TVP23A: variants seen among roughly 807,000 people sequenced by gnomAD.
TVP23A encodes Golgi apparatus membrane protein TVP23 homolog A.
Under a neutral mutation model 31.7 loss-of-function variants are expected in TVP23A, and 21 were observed. That is an observed-to-expected ratio of 0.66 (90% CI 0.47 to 0.95). TVP23A has a LOEUF of 0.95. Among genes scored for constraint, TVP23A ranks in the 40% least tolerant of loss-of-function variants. The pLI is 0.00. For missense variants in TVP23A, 279 were observed against 255.6 expected (o/e 1.09, Z -0.62); for synonymous variants, 104 against 96.0 (o/e 1.08, Z -0.49).
Position 10,774,997 on chromosome 16 carries a change from A to G in TVP23A, c.189T>C (p.Phe63=), listed in dbSNP as rs1353147120. The part of the protein sequence containing the change: ...DWFSKSFVGC[F]VMVLLLLSLD... ...GGGACAGGAGGAGCAGCACCATGAC[A>G]AAACAGCCCACAAAGCTCTTGCTGA... Residue 63 remains phenylalanine (F), a synonymous_variant, in exon 3 of 8, where the codon TTT becomes TTC. Transcript: ENST00000299866. 1 of 1,612,930 alleles carries G rather than the reference A, an allele frequency of 6.2e-7. No individual in the cohort carries two copies. The highest frequency in any genetic ancestry group is 8.5e-7 in the Non-Finnish European group (1 of 1,179,470).
Position 10,779,754 on chromosome 16 carries a change from C to T in TVP23A, c.90-4658G>A, listed in dbSNP as rs555761403. 5.3e-5 allele frequency among the ~76,000 whole-genome samples: 8 copies of T among 152,318 alleles called. No individual in the cohort carries two copies. In the South Asian group the frequency reaches 1.7e-3, roughly 32 times the overall value. On this transcript the variant is annotated intron_variant, in intron 2 of 7. Coordinates refer to ENST00000299866, the MANE Select transcript of TVP23A (RefSeq NM_001079512.4). This position sits in a 1 kb window ranked among gnomAD's most constrained non-coding sequence, Gnocchi z 4.9. ...ACCAAGTTTTCCAGAGCTTATATAC[C>T]TTCTGAGCTATATGTCATGGATAAG...
At chr16:10,763,292 G>A (rs911125105), downstream of TVP23A, among the ~76,000 whole-genome samples, 26 of 152,178 alleles carry the variant, frequency 1.7e-4, no homozygotes, top group Admixed American at 3.3e-4. Flanking sequence ...CCAAGGGGCC[G>A]TGCAGAAAGC....
At chr16:10,782,150 C>T (rs937602215) in intron 2 of TVP23A, among the ~76,000 whole-genome samples, 11 of 152,066 alleles carry the variant, frequency 7.2e-5, no homozygotes, top group Non-Finnish European at 1.6e-4. Flanking sequence ...GTGTGAGCTA[C>T]CGTACCTGGC....
chr16:10,778,171 T>TA (rs985095168), intron 2 of TVP23A, among the ~76,000 whole-genome samples: 8 of 151,784 alleles, frequency 5.3e-5, no homozygotes, highest in Non-Finnish European at 1.2e-4. Flanking sequence ...CCGTCTCTAC[T>TA]AAAAATACAA....
At chr16:10,799,062 G>C (rs2033561047) in intron 2 of TVP23A, among the ~76,000 whole-genome samples, 1 of 152,166 alleles carries the variant, frequency 6.6e-6, no homozygotes, top group South Asian at 2.1e-4. Context: ...ACATGGCAAG[G>C]AACTGAGGCC....
At chr16:10,776,047 C>A (rs1170525992) in intron 2 of TVP23A, among the ~76,000 whole-genome samples, 2 of 148,330 alleles carry the variant, frequency 1.3e-5, no homozygotes. Flanking sequence ...CCACGCCTGG[C>A]CTTATTTTTT....
At chr16:10,760,063 T>C (rs1900836252), downstream of TVP23A, among the ~76,000 whole-genome samples, 3 of 152,248 alleles carry the variant, frequency 2.0e-5, no homozygotes, top group Admixed American at 2.0e-4. Flanking sequence ...TTATACACAG[T>C]AATCACATTG....
chr16:10,761,634 G>C (rs2029910963), intron 8 of TVP23A: 1 of 950,446 alleles, frequency 1.1e-6, no homozygotes, highest in South Asian at 1.7e-5. Context: ...AAGTTCTTTA[G>C]GTGTTAAGGG....
intron 2 of TVP23A, among the ~76,000 whole-genome samples, chr16:10,790,427 G>C (rs1338955139): frequency 6.6e-6 from 1 of 151,922 alleles, no homozygotes; most frequent in Non-Finnish European, 1.5e-5. Context: ...TGGGACTACA[G>C]GCGCCCGCCA....
intron 2 of TVP23A, among the ~76,000 whole-genome samples, chr16:10,812,780 T>A (rs1458200838): frequency 1.3e-5 from 2 of 152,140 alleles, no homozygotes; most frequent in African/African-American, 4.8e-5. Context: ...AGTTTCAGTT[T>A]TGCAAGATGA....
intron 2 of TVP23A, among the ~76,000 whole-genome samples, chr16:10,807,969 T>A (rs1052185110): frequency 2.0e-5 from 3 of 152,134 alleles, no homozygotes; most frequent in African/African-American, 7.2e-5. Flanking sequence ...CACCTCAGCC[T>A]CCCTAGTAAC....
downstream of TVP23A, among the ~76,000 whole-genome samples, chr16:10,764,671 C>A (rs2030586278): frequency 6.6e-6 from 1 of 151,262 alleles, no homozygotes; most frequent in African/African-American, 2.4e-5. Context: ...ATTGGAGCAT[C>A]TCAGTCTGCT....
At chr16:10,761,855 C>G, downstream of TVP23A, 1 of 1,613,054 alleles carries the variant, frequency 6.2e-7, no homozygotes, top group Non-Finnish European at 8.5e-7. Flanking sequence ...TGGATCCGCT[C>G]ATAGGTGGGT....
chr16:10,774,143 C>T lies in TVP23A; in HGVS notation c.235-15G>A, dbSNP rs1385490905. ...CCGGTTACATTCTGAGAACAATAGA[C>T]AAAGGACTCTGAGCAGGTCACAGGC... On this transcript the variant is annotated splice_polypyrimidine_tract_variant and intron_variant, in intron 3 of 7. Coordinates refer to ENST00000299866, the MANE Select transcript of TVP23A (RefSeq NM_001079512.4). The T allele has an allele frequency of 6.3e-7, 1 of 1,594,824 alleles. No individual in the cohort carries two copies. The highest frequency in any genetic ancestry group is 1.3e-5 in the African/African-American group (1 of 74,564).
intron 4 of TVP23A, 109 bp downstream of exon 4, chr16:10,773,930 T>G: frequency 1.1e-6 from 1 of 879,830 alleles, no homozygotes; most frequent in Non-Finnish European, 1.8e-6. Flanking sequence ...CAATGGTGGC[T>G]TTTGTGTAAG....
chr16:10,771,623 G>A (rs755819298), intron 6 of TVP23A, 47 bp downstream of exon 6: 1 of 1,604,042 alleles, frequency 6.2e-7, no homozygotes, highest in East Asian at 2.2e-5. Flanking sequence ...CCTTGACTTT[G>A]ACTACCTGGA....
intron 2 of TVP23A, among the ~76,000 whole-genome samples, chr16:10,809,211 C>G (rs1178898682): frequency 1.3e-5 from 2 of 152,182 alleles, no homozygotes; most frequent in South Asian, 2.1e-4. Context: ...AACATCAACC[C>G]CATTTTACAG....
At chr16:10,811,170 T>A (rs1285500015) in intron 2 of TVP23A, among the ~76,000 whole-genome samples, 1 of 152,198 alleles carries the variant, frequency 6.6e-6, no homozygotes, top group African/African-American at 2.4e-5. Flanking sequence ...TGGAACTACA[T>A]AGTAGTAATG....
At chr16:10,804,132 T>A (rs2033835082) in intron 2 of TVP23A, among the ~76,000 whole-genome samples, 1 of 152,206 alleles carries the variant, frequency 6.6e-6, no homozygotes, top group Admixed American at 6.5e-5. Context: ...GATGTCCATA[T>A]GCACAGCCTG....
Sources: gnomAD v4.1 joint callset for allele counts (sites outside exome capture counted in the v4.1 genomes callset) on GRCh38, gnomAD v4.1.1 for gene constraint, Gnocchi (gnomAD v3.1) non-coding constraint, MANE v1.5 for transcripts, NCBI Gene and HGNC (gene_info 2026-07-23, HGNC 2026-07-21) for gene names.